Variants in DLGAP2 observed in about 807,000 individuals in gnomAD.
DLGAP2 encodes the protein disks large-associated protein 2.
Under a neutral mutation model 100.3 loss-of-function variants are expected in DLGAP2, and 26 were observed. That is an observed-to-expected ratio of 0.26 (90% CI 0.19 to 0.36). The LOEUF is 0.36. Ranked by LOEUF, DLGAP2 falls within the 10% of genes least tolerant of loss-of-function variation. The pLI is 1.00. For synonymous variants in DLGAP2, 886 were observed against 630.1 expected (o/e 1.41, Z -6.08); for missense variants, 1,858 against 1,453.2 (o/e 1.28, Z -4.53).
At chr8:1,682,771 G>A (rs1185136095) in intron 12 of DLGAP2, among the ~76,000 whole-genome samples, 1 of 151,592 alleles carries the variant, frequency 6.6e-6, no homozygotes, top group Non-Finnish European at 1.5e-5. Context: ...ACCATGCCCA[G>A]CCAGGATATC....
chr8:1,323,730 G>A (rs568692602), intron 3 of DLGAP2, among the ~76,000 whole-genome samples: 66 of 152,268 alleles, frequency 4.3e-4, no homozygotes, highest in South Asian at 4.1e-3. Context: ...CCCTGCCTCC[G>A]CTCCAATGAC....
intron 2 of DLGAP2, among the ~76,000 whole-genome samples, chr8:1,085,729 C>T (rs6988649): frequency 0.18 from 27,595 of 152,042 alleles, 2,606 homozygotes; most frequent in Non-Finnish European, 0.21. Context: ...TACTTTTGCT[C>T]ATGATTTTCT....
chr8:1,514,244 T>G (rs1195358732), intron 4 of DLGAP2, among the ~76,000 whole-genome samples: 1 of 152,248 alleles, frequency 6.6e-6, no homozygotes, highest in African/African-American at 2.4e-5. Context: ...TCTTTCTGCC[T>G]GAATTTAAAT....
intron 1 of DLGAP2, among the ~76,000 whole-genome samples, chr8:765,324 T>C (rs1000668103): frequency 1.3e-5 from 2 of 152,032 alleles, no homozygotes; most frequent in African/African-American, 4.8e-5. Context: ...TGGTAAAATA[T>C]TTTTTTTCTT....
At chr8:1,215,990 A>T (rs1342951963) in intron 2 of DLGAP2, among the ~76,000 whole-genome samples, 4 of 149,708 alleles carry the variant, frequency 2.7e-5, no homozygotes, top group Non-Finnish European at 5.9e-5. Flanking sequence ...TGGGTTCATT[A>T]GGCACATCAC....
chr8:1,338,926 G>C (rs1389399200), intron 3 of DLGAP2, among the ~76,000 whole-genome samples: 68 of 148,702 alleles, frequency 4.6e-4, no homozygotes, highest in African/African-American at 1.6e-3. Context: ...ACCTGGCAGG[G>C]AATGCAATGA....
At chr8:976,662 C>G (rs571202267) in intron 2 of DLGAP2, among the ~76,000 whole-genome samples, 2 of 152,264 alleles carry the variant, frequency 1.3e-5, no homozygotes, top group East Asian at 3.9e-4. Flanking sequence ...GCCAACCAAT[C>G]TTTGACAAAG....
chr8:1,445,786 C>G (rs1262956279), intron 3 of DLGAP2, among the ~76,000 whole-genome samples: 1 of 152,188 alleles, frequency 6.6e-6, no homozygotes, highest in East Asian at 1.9e-4. Context: ...GCCATTCTAA[C>G]TGGTGTGAGA....
At chr8:1,516,747 GTGAC>G (rs1800407277) in intron 4 of DLGAP2, among the ~76,000 whole-genome samples, 1 of 152,074 alleles carries the variant, frequency 6.6e-6, no homozygotes, top group Non-Finnish European at 1.5e-5. Flanking sequence ...AAATGAGTGG[GTGAC>G]TGAGTGAAAG....
At chr8:1,536,078 G>C (rs1455548862) in intron 4 of DLGAP2, among the ~76,000 whole-genome samples, 1 of 152,340 alleles carries the variant, frequency 6.6e-6, no homozygotes, top group African/African-American at 2.4e-5. Flanking sequence ...TAAACCGTTT[G>C]TGACAGTCAA....
intron 3 of DLGAP2, among the ~76,000 whole-genome samples, chr8:1,437,998 A>G (rs1011630133): frequency 1.3e-5 from 2 of 152,002 alleles, no homozygotes; most frequent in African/African-American, 4.8e-5. Flanking sequence ...AAAAAATAAA[A>G]TGAATAAAAT....
intron 6 of DLGAP2, among the ~76,000 whole-genome samples, chr8:1,593,088 G>T (rs958790868): frequency 1.3e-5 from 2 of 152,110 alleles, no homozygotes; most frequent in African/African-American, 2.4e-5. Flanking sequence ...GGAGTAGGAA[G>T]GTCTGGGCCC....
At chr8:1,692,449 G>T (rs542442402) in intron 13 of DLGAP2, among the ~76,000 whole-genome samples, 1 of 150,582 alleles carries the variant, frequency 6.6e-6, no homozygotes, top group Admixed American at 6.6e-5. Context: ...CGGTACCGAG[G>T]CAGGGAGGTG....
At chr8:1,671,474 C>A (rs1453143706) in intron 10 of DLGAP2, among the ~76,000 whole-genome samples, 1 of 152,224 alleles carries the variant, frequency 6.6e-6, no homozygotes, top group Non-Finnish European at 1.5e-5. Context: ...CTGTGGAGCT[C>A]ACGCCCTCTG....
intron 2 of DLGAP2, among the ~76,000 whole-genome samples, chr8:1,113,671 T>C (rs989543994): frequency 6.6e-6 from 1 of 152,304 alleles, no homozygotes; most frequent in East Asian, 1.9e-4. Flanking sequence ...CCTCTCTTTC[T>C]GCTTGGATGC....
At chr8:1,203,543 G>A (rs545707995) in intron 2 of DLGAP2, among the ~76,000 whole-genome samples, 5 of 152,310 alleles carry the variant, frequency 3.3e-5, no homozygotes, top group African/African-American at 1.2e-4. Context: ...TGGAACAGAT[G>A]CTAAAGGTTC....
At chr8:911,205 T>C (rs1030582576) in intron 2 of DLGAP2, among the ~76,000 whole-genome samples, 6 of 152,172 alleles carry the variant, frequency 3.9e-5, no homozygotes. Context: ...TTTGGCTCCA[T>C]GGTGAAGAGA....
At chr8:1,506,625 C>G (rs935552395) in intron 4 of DLGAP2, among the ~76,000 whole-genome samples, 1 of 152,210 alleles carries the variant, frequency 6.6e-6, no homozygotes, top group Non-Finnish European at 1.5e-5. Context: ...AGTGCCGGCT[C>G]AGGCAGACTG....
chr8:1,086,657 T>C (rs1803982774), intron 2 of DLGAP2, among the ~76,000 whole-genome samples: 1 of 151,980 alleles, frequency 6.6e-6, no homozygotes, highest in Non-Finnish European at 1.5e-5. Flanking sequence ...TAAAAAGAAA[T>C]GAAGAAGGAC....
Sources: allele counts gnomAD v4.1 joint callset (sites outside exome capture counted in the v4.1 genomes callset), GRCh38; gene constraint gnomAD v4.1.1; transcripts MANE v1.5; gene names NCBI Gene and HGNC (gene_info 2026-07-23, HGNC 2026-07-21).